Variants in ACAA2 observed in about 807,000 individuals in gnomAD.
ACAA2 encodes acetyl-CoA acyltransferase 2.
ACAA2 carries 35 observed loss-of-function variants against 44.8 expected under a neutral mutation model. That is an observed-to-expected ratio of 0.78 (90% CI 0.60 to 1.04). The LOEUF (loss-of-function observed/expected upper bound fraction) is 1.04, where lower values mean the gene tolerates loss of function less well. Among genes scored for constraint, ACAA2 ranks in the 50% least tolerant of loss-of-function variants. The pLI is 0.00. For missense variants in ACAA2, 468 were observed against 482.6 expected, an observed-to-expected ratio of 0.97 and a Z score of 0.28; for synonymous variants, 142 against 166.5, an observed-to-expected ratio of 0.85 and a Z score of 1.13.
intron 2 of ACAA2, among the ~76,000 whole-genome samples, chr18:49,800,147 C>T (rs76350127): frequency 3.1e-4 from 9 of 29,278 alleles, no homozygotes; most frequent in Non-Finnish European, 4.5e-4. Context: ...AGCCCCCGGC[C>T]GGCCAGCCAC....
At chr18:49,807,369 T>TA (rs983298748) in intron 1 of ACAA2, among the ~76,000 whole-genome samples, 3 of 151,018 alleles carry the variant, frequency 2.0e-5, no homozygotes, top group Admixed American at 6.6e-5. Context: ...ATCTCTTATC[T>TA]AAAAAAACAG....
intron 5 of ACAA2, 91 bp downstream of exon 5, chr18:49,794,189 T>TTTAA: frequency 1.2e-6 from 1 of 807,576 alleles, no homozygotes; most frequent in Non-Finnish European, 1.7e-6. Flanking sequence ...AGGTATGATT[T>TTTAA]GTAAATATTA....
In ACAA2 at chr18:49,795,769, A is replaced by G. The variant is rs773944804; in HGVS notation, c.425T>C (p.Ile142Thr). 8.2e-6 allele frequency: 13 copies of G among 1,591,436 alleles called. No homozygotes were observed. In the South Asian group the frequency reaches 1.5e-4, roughly 18 times the overall value. The change falls in exon 4 of 10, where the codon ATC becomes ACC. Residue 142 changes from isoleucine (I) to threonine (T), a missense_variant. Ile to Thr is a moderately conservative substitution (Grantham distance 89). Coordinates refer to ENST00000285093, the MANE Select transcript of ACAA2 (RefSeq NM_006111.3). ...VRFGTKLGSD[I>T]KLEDSLWVSL... Reference sequence around the variant, plus strand: ...TTAAATTTTTATGGTTCCAACCTTGATATCTGATCCAAGCTTGGTTCCAAA... The same window carrying G: ...TTAAATTTTTATGGTTCCAACCTTGGTATCTGATCCAAGCTTGGTTCCAAA...
chr18:49,782,251 T>C lies in ACAA2; in HGVS notation c.*1596A>G, dbSNP rs2023275035. ...TATGACAGTAGAGGAAGCCTGCTGC[T>C]TCTCAGTAAGGATCCCAAACAATAA... On this transcript the variant is annotated 3_prime_UTR_variant, in exon 10 of 10. Transcript: ENST00000285093. 6.6e-6 allele frequency: 1 copy of C among 152,216 alleles called. No homozygotes were observed. The highest frequency in any genetic ancestry group is 2.1e-4 in the South Asian group (1 of 4,832). The allele number at this position is 152,216 out of a possible 1,614,324, so 9.4% of individuals were successfully genotyped here.
chr18:49,798,692 G>A (rs2023493286), intron 2 of ACAA2, among the ~76,000 whole-genome samples: 1 of 152,130 alleles, frequency 6.6e-6, no homozygotes, highest in Non-Finnish European at 1.5e-5. Context: ...GGTTTTGAAT[G>A]CAGATGGAAC....
chr18:49,786,362 T>C (rs1301786691), intron 8 of ACAA2: 1 of 152,212 alleles, frequency 6.6e-6, no homozygotes, highest in Admixed American at 6.5e-5. Context: ...CCAAAGTTGA[T>C]ATAGTTTAAT....
rs1489005562 is a variant in ACAA2 at position 49,782,603 on chromosome 18, CTTT to C, written c.*1241_*1243del. On this transcript the variant is annotated 3_prime_UTR_variant, in exon 10 of 10. Transcript: ENST00000285093. The stretch of plus-strand genomic sequence containing the variant: ...GCTCACGCCTGTAATCCCAGCACTT[CTTT>C]GGGAGGCCGAGGCGGGTGGATCACG... 4.9e-4 allele frequency: 11 copies of C among 22,306 alleles called. No individual in the cohort carries two copies. Among genetic ancestry groups the C allele is most frequent in the African/African-American group, 2.6e-3 (11 of 4,276 alleles). 1.4% of individuals were successfully genotyped at this position (22,306 alleles called of 1,614,324 possible).
At chr18:49,807,789 C>CAAGT (rs2143980177) in intron 1 of ACAA2, among the ~76,000 whole-genome samples, 1 of 151,134 alleles carries the variant, frequency 6.6e-6, no homozygotes, top group Non-Finnish European at 1.5e-5. Flanking sequence ...CGTGTTCACA[C>CAAGT]CACTGTACTC....
chr18:49,797,911 C>T (rs631536), intron 2 of ACAA2, among the ~76,000 whole-genome samples: 128,500 of 152,184 alleles, frequency 0.84, 54,326 homozygotes, highest in East Asian at 0.95. Flanking sequence ...TGTGTAACCA[C>T]AGTCAATTGG....
intron 3 of ACAA2, 130 bp from the exon 4 acceptor site, chr18:49,796,011 G>C (rs532031031): frequency 3.4e-6 from 2 of 580,370 alleles, no homozygotes; most frequent in Admixed American, 3.5e-5. Context: ...TGTCTCAAAA[G>C]GAAATGCTTT....
chr18:49,796,724 C>T (rs1410595492), intron 3 of ACAA2, among the ~76,000 whole-genome samples: 2 of 152,122 alleles, frequency 1.3e-5, no homozygotes, highest in Admixed American at 6.5e-5. Flanking sequence ...GCTTGCCTCA[C>T]GGTCTTTATT....
chr18:49,811,523 G>T (rs556684535), intron 1 of ACAA2: 1 of 152,284 alleles, frequency 6.6e-6, no homozygotes, highest in African/African-American at 2.4e-5. Context: ...GGTTCTTCTT[G>T]TTGACTGAAA....
intron 7 of ACAA2, among the ~76,000 whole-genome samples, chr18:49,791,072 G>A (rs893743483): frequency 2.6e-5 from 4 of 152,154 alleles, no homozygotes; most frequent in Middle Eastern, 3.2e-3. Context: ...AAGGAGCTGC[G>A]ATACCACCTT....
At chr18:49,806,781 A>T (rs1047396913) in intron 1 of ACAA2, among the ~76,000 whole-genome samples, 1 of 152,244 alleles carries the variant, frequency 6.6e-6, no homozygotes, top group African/African-American at 2.4e-5. Context: ...ATCTCAGTAA[A>T]GAAATACATA....
intron 2 of ACAA2, among the ~76,000 whole-genome samples, chr18:49,801,320 C>T (rs2023545085): frequency 6.6e-6 from 1 of 152,060 alleles, no homozygotes; most frequent in Non-Finnish European, 1.5e-5. Context: ...AACAGAGGCA[C>T]AAACACAATG....
intron 1 of ACAA2, among the ~76,000 whole-genome samples, chr18:49,807,470 T>C (rs905922824): frequency 5.9e-5 from 9 of 152,202 alleles, no homozygotes; most frequent in African/African-American, 2.2e-4. Flanking sequence ...GGTTTGGTGA[T>C]AATTTTTTAG....
chr18:49,805,768 T>C (rs2023604355), intron 1 of ACAA2, among the ~76,000 whole-genome samples: 1 of 151,940 alleles, frequency 6.6e-6, no homozygotes, highest in South Asian at 2.1e-4. Flanking sequence ...TCTTTTTTTT[T>C]TTTGTAGAGA....
At chr18:49,802,557 T>A (rs1296585819) in intron 2 of ACAA2, 130 bp downstream of exon 2, 17 of 713,414 alleles carry the variant, frequency 2.4e-5, no homozygotes, top group Admixed American at 4.3e-5. Context: ...CGAGACTCCA[T>A]CTCAAAAAAA....
At chr18:49,805,617 A>G (rs2023602030) in intron 1 of ACAA2, among the ~76,000 whole-genome samples, 1 of 151,756 alleles carries the variant, frequency 6.6e-6, no homozygotes, top group Non-Finnish European at 1.5e-5. Context: ...GCTAGAGTGC[A>G]GTGATGTGAT....
Sources: allele counts gnomAD v4.1 joint callset (sites outside exome capture counted in the v4.1 genomes callset), GRCh38; gene constraint gnomAD v4.1.1; transcripts MANE v1.5; gene names NCBI Gene and HGNC (gene_info 2026-07-23, HGNC 2026-07-21).